The following MINK1 variants were observed in gnomAD, a reference collection of about 807,000 sequenced individuals.
MINK1 encodes misshapen-like kinase 1.
MINK1 carries 46 observed loss-of-function variants against 178.4 expected under a neutral mutation model. The observed-to-expected ratio is 0.26, with a 90% confidence interval of 0.20 to 0.33. The LOEUF (loss-of-function observed/expected upper bound fraction) is 0.33, where lower values mean the gene tolerates loss of function less well. Among genes scored for constraint, MINK1 ranks in the 10% least tolerant of loss-of-function variants. The pLI is 1.00. For synonymous variants in MINK1, 797 were observed against 709.7 expected, an observed-to-expected ratio of 1.12 and a Z score of -1.96; for missense variants, 1,366 against 1,814.9, an observed-to-expected ratio of 0.75 and a Z score of 4.49.
At position 4,887,262 on chromosome 17, in the gene MINK1, C is replaced by A; in HGVS notation, c.1019+83C>A. Reference sequence around the variant, plus strand: ...AGTGGTGCTTGGCTTTGGGGACTCTCAGCCTGGGGGTGGTGGGCACAGAGA... The same window carrying A: ...AGTGGTGCTTGGCTTTGGGGACTCTAAGCCTGGGGGTGGTGGGCACAGAGA... On this transcript the variant is annotated intron_variant, in intron 11 of 31. Coordinates refer to ENST00000355280, the MANE Select transcript of MINK1 (RefSeq NM_153827.5). The surrounding 1 kb of genome is among the most constrained non-coding windows in gnomAD (Gnocchi z 7.6). 1.4e-6 allele frequency: 2 copies of A among 1,383,666 alleles called. No homozygotes were observed. Among genetic ancestry groups the A allele is most frequent in the Non-Finnish European group, 2.0e-6 (2 of 997,702 alleles). 85.7% of individuals were successfully genotyped at this position (1,383,666 alleles called of 1,614,324 possible). A position where few individuals can be genotyped will look rare whatever the true frequency, so the allele number is the denominator to read the frequency against.
chr17:4,890,209 C>A, intron 13 of MINK1: 3 of 1,005,672 alleles, frequency 3.0e-6, no homozygotes, highest in African/African-American at 3.4e-5. Context: ...CCACCCCACA[C>A]CCCGTCCCCC....
rs755550556 is a variant in MINK1 at position 4,886,081 on chromosome 17, T to G, written c.695-39T>G. On this transcript the variant is annotated intron_variant, in intron 8 of 31. Transcript: ENST00000355280. This position sits in a 1 kb window ranked among gnomAD's most constrained non-coding sequence, Gnocchi z 6.1. ...CGAGGAAGGGTCCTGTAGCTCCCAG[T>G]GCAGTGAAAGGGACTGAGGGTGTCT... 2 of 1,611,616 alleles carry G rather than the reference T, an allele frequency of 1.2e-6. No individual in the cohort carries two copies. The highest frequency in any genetic ancestry group is 1.3e-5 in the African/African-American group (1 of 74,808).
chr17:4,893,054 C>T lies in MINK1; in HGVS notation c.2387C>T (p.Pro796Leu). 1 of 1,565,320 alleles carries T rather than the reference C, an allele frequency of 6.4e-7. No individual in the cohort carries two copies. The highest frequency in any genetic ancestry group is 8.6e-7 in the Non-Finnish European group (1 of 1,157,212). ...KAKPDDHRSR[P>L]GRPADFVLLK... is the part of the protein sequence containing the mutation. Reference sequence around the variant, plus strand: ...AAGCCCGACGACCACCGCTCACGGCCAGGCCGGCCCGCAGTGAGTCACCTG... The same window carrying T: ...AAGCCCGACGACCACCGCTCACGGCTAGGCCGGCCCGCAGTGAGTCACCTG... The change falls in exon 20 of 32, where the codon CCA (proline) becomes CTA (leucine). Residue 796 changes from proline to leucine, a missense_variant. By Grantham distance (98) the Pro-to-Leu change is moderately conservative. Coordinates refer to ENST00000355280, the MANE Select transcript of MINK1 (RefSeq NM_153827.5).
rs202128229 is a variant in MINK1 at position 4,892,722 on chromosome 17, C to T, written c.2265C>T (p.His755=). 46 of 1,611,950 alleles carry T rather than the reference C, an allele frequency of 2.9e-5. No individual in the cohort carries two copies. Among genetic ancestry groups the T allele is most frequent in the Non-Finnish European group, 3.5e-5 (41 of 1,179,572 alleles). The change falls in exon 19 of 32, where the codon CAC becomes CAT. Residue 755 remains histidine (H), a synonymous_variant. Coordinates refer to ENST00000355280, the MANE Select transcript of MINK1 (RefSeq NM_153827.5). The stretch of plus-strand genomic sequence containing the variant: ...CGGACAGCGTCCTTCCAGCCTCTCA[C>T]GGGCACCTCCCCCAGGCTGGCTCAC... ...ERSDSVLPAS[H]GHLPQAGSLE... is the part of the protein sequence containing the mutation.
intron 1 of MINK1, among the ~76,000 whole-genome samples, chr17:4,839,883 C>CA (rs1365680094): frequency 6.6e-6 from 1 of 151,414 alleles, no homozygotes; most frequent in East Asian, 1.9e-4. Context: ...ACAGAGGACA[C>CA]AGTGGTGATA....
intron 1 of MINK1, among the ~76,000 whole-genome samples, chr17:4,851,924 G>C (rs1044885752): frequency 6.8e-6 from 1 of 146,160 alleles, no homozygotes; most frequent in Non-Finnish European, 1.5e-5. Flanking sequence ...CACTTGAATC[G>C]GGGAGGCAGA....
Position 4,887,321 on chromosome 17 carries a change from C to A in MINK1, c.1019+142C>A. The A allele has an allele frequency of 1.1e-6, 1 of 893,116 alleles. No individual in the cohort carries two copies. The highest frequency in any genetic ancestry group is 1.7e-6 in the Non-Finnish European group (1 of 572,812). The allele number at this position is 893,116 out of a possible 1,614,324, so 55.3% of individuals were successfully genotyped here. On this transcript the variant is annotated intron_variant, in intron 11 of 31. Coordinates refer to ENST00000355280, the MANE Select transcript of MINK1 (RefSeq NM_153827.5). This position sits in a 1 kb window ranked among gnomAD's most constrained non-coding sequence, Gnocchi z 7.6. Reference sequence around the variant, plus strand: ...CTCCTGGAAACCAAATTTCTGAGTGCTAAGAAGTGGAACCAATGACTGAGC... The same window carrying A: ...CTCCTGGAAACCAAATTTCTGAGTGATAAGAAGTGGAACCAATGACTGAGC...
chr17:4,879,512 G>A (rs978087421), intron 2 of MINK1, among the ~76,000 whole-genome samples: 8 of 152,224 alleles, frequency 5.3e-5, no homozygotes, highest in African/African-American at 1.9e-4. Flanking sequence ...GGGAATAGTG[G>A]TGCCATGTGC....
rs1969297898 is a variant in MINK1, at chr17:4,894,953, C to T, written c.2918-122C>T. On this transcript the variant is annotated intron_variant, in intron 24 of 31. Coordinates refer to ENST00000355280, the MANE Select transcript of MINK1 (RefSeq NM_153827.5). The surrounding 1 kb of genome is among the most constrained non-coding windows in gnomAD (Gnocchi z 4.1). ...CCCTCTCCCATGCACCTCCTCTCCT[C>T]CTGTCTTTCTCCTCCTTTCTGCGTA... 2 of 1,102,148 alleles carry T rather than the reference C, an allele frequency of 1.8e-6. No homozygotes were observed. The highest frequency in any genetic ancestry group is 1.3e-6 in the Non-Finnish European group (1 of 771,274). 68.3% of individuals were successfully genotyped at this position (1,102,148 alleles called of 1,614,324 possible). A position where few individuals can be genotyped will look rare whatever the true frequency, so the allele number is the denominator to read the frequency against.
In MINK1 at chr17:4,897,990, C is replaced by A. The variant is rs553081443; in HGVS notation, c.*703C>A. 6.7e-6 allele frequency: 1 copy of A among 149,570 alleles called. No homozygotes were observed. The highest frequency in any genetic ancestry group is 2.4e-5 in the African/African-American group (1 of 41,136). 9.3% of individuals were successfully genotyped at this position (149,570 alleles called of 1,614,324 possible). A position where few individuals can be genotyped will look rare whatever the true frequency, so the allele number is the denominator to read the frequency against. On this transcript the variant is annotated 3_prime_UTR_variant, in exon 32 of 32. Transcript: ENST00000355280. ...AGCAAGTAACCCTTCTCCCTCCCCC[C>A]CCACCCCTCCTCAATGTAGTGGCCT... is the stretch of plus-strand genomic sequence containing the variant.
chr17:4,891,212 A>G (rs1228127437), intron 15 of MINK1, 88 bp downstream of exon 15: 7 of 1,162,840 alleles, frequency 6.0e-6, no homozygotes, highest in Non-Finnish European at 7.2e-6. Flanking sequence ...ACACACACAC[A>G]CACACACACA....
At chr17:4,841,072 C>A (rs1910145328) in intron 1 of MINK1, among the ~76,000 whole-genome samples, 1 of 152,096 alleles carries the variant, frequency 6.6e-6, no homozygotes, top group Non-Finnish European at 1.5e-5. Context: ...TCATCCACAG[C>A]AGGTAAATTC....
intron 1 of MINK1, among the ~76,000 whole-genome samples, chr17:4,868,045 C>T (rs1345506867): frequency 6.7e-6 from 1 of 150,104 alleles, no homozygotes; most frequent in Admixed American, 6.7e-5. Context: ...GGCATGATCT[C>T]GGCTCACTGC....
At chr17:4,878,618 A>T (rs1967416000) in intron 2 of MINK1, among the ~76,000 whole-genome samples, 1 of 152,220 alleles carries the variant, frequency 6.6e-6, no homozygotes, top group Non-Finnish European at 1.5e-5. Flanking sequence ...ACAGGCCAGC[A>T]GCCAGGCAGG....
intron 1 of MINK1, among the ~76,000 whole-genome samples, chr17:4,868,464 T>G (rs573047782): frequency 3.3e-5 from 5 of 152,282 alleles, no homozygotes; most frequent in Middle Eastern, 3.4e-3. Context: ...TCCACCTCCT[T>G]GAGACCAGCT....
chr17:4,864,705 A>G (rs1306340297), intron 1 of MINK1, among the ~76,000 whole-genome samples: 2 of 152,202 alleles, frequency 1.3e-5, no homozygotes, highest in Non-Finnish European at 2.9e-5. Context: ...AGCCTAGGCG[A>G]CAAGAGTGAG....
At chr17:4,891,842 G>T (rs1968850337) in intron 16 of MINK1, 126 bp downstream of exon 16, 5 of 1,349,152 alleles carry the variant, frequency 3.7e-6, no homozygotes, top group Non-Finnish European at 3.0e-6. Context: ...CCAGGGCGCT[G>T]CCCTGCCGGG....
chr17:4,894,223 C>A lies in MINK1; in HGVS notation c.2720C>A (p.Thr907Lys). 6.2e-7 allele frequency: 1 copy of A among 1,613,542 alleles called. No individual in the cohort carries two copies. The highest frequency in any genetic ancestry group is 8.5e-7 in the Non-Finnish European group (1 of 1,179,872). ...CTGCATGCTGACAGCAATGGGTACA[C>A]AAACCTGCCTGACGTGGTCCAGCCC... ...NLLHADSNGY[T>K]NLPDVVQPSH... The change falls in exon 23 of 32, where the codon ACA (threonine) becomes AAA (lysine). Residue 907 changes from threonine to lysine, a missense_variant. Physicochemically the swap from Thr to Lys is moderately conservative, Grantham distance 78. Transcript: ENST00000355280. The surrounding 1 kb of genome is among the most constrained non-coding windows in gnomAD (Gnocchi z 4.1).
chr17:4,886,964 C>G lies in MINK1; in HGVS notation c.950-146C>G. On this transcript the variant is annotated intron_variant, in intron 10 of 31. Transcript: ENST00000355280. This position sits in a 1 kb window ranked among gnomAD's most constrained non-coding sequence, Gnocchi z 6.1. Reference sequence around the variant, plus strand: ...TGTCCAGGCCCACACCTGAGACCCGCTGTCCTCCCATTGCCCCCAGGAAGT... The same window carrying G: ...TGTCCAGGCCCACACCTGAGACCCGGTGTCCTCCCATTGCCCCCAGGAAGT... 1 of 763,470 alleles carries G rather than the reference C, an allele frequency of 1.3e-6. No homozygotes were observed. The highest frequency in any genetic ancestry group is 2.1e-6 in the Non-Finnish European group (1 of 465,752). 47.3% of individuals were successfully genotyped at this position (763,470 alleles called of 1,614,324 possible). A position where few individuals can be genotyped will look rare whatever the true frequency, so the allele number is the denominator to read the frequency against.
Sources: gnomAD v4.1 joint callset for allele counts (sites outside exome capture counted in the v4.1 genomes callset) on GRCh38, gnomAD v4.1.1 for gene constraint, Gnocchi (gnomAD v3.1) non-coding constraint, MANE v1.5 for transcripts, NCBI Gene and HGNC (gene_info 2026-07-23, HGNC 2026-07-21) for gene names.